Variants in KCNN2 observed in about 807,000 individuals in gnomAD.
The protein encoded by KCNN2 is small conductance calcium-activated potassium channel protein 2.
Under a neutral mutation model 55.5 loss-of-function variants are expected in KCNN2, and 24 were observed. That is an observed-to-expected ratio of 0.43 (90% CI 0.31 to 0.61). The LOEUF (loss-of-function observed/expected upper bound fraction) is 0.61. KCNN2 is among the 20% of genes least tolerant of loss of function. The pLI is 0.08. For synonymous variants in KCNN2, 431 were observed against 336.1 expected (o/e 1.28, Z -3.09); for missense variants, 754 against 853.6 (o/e 0.88, Z 1.45).
At chr5:114,198,055 C>G (rs1168754479) in intron 1 of KCNN2, among the ~76,000 whole-genome samples, 1 of 151,998 alleles carries the variant, frequency 6.6e-6, no homozygotes, top group Non-Finnish European at 1.5e-5. Context: ...TTCTCAAAGT[C>G]CTGCTCCTCC....
At chr5:114,334,930 C>A (rs1455210969) in intron 2 of KCNN2, among the ~76,000 whole-genome samples, 3 of 152,066 alleles carry the variant, frequency 2.0e-5, no homozygotes, top group Non-Finnish European at 4.4e-5. Context: ...GGGCACATTG[C>A]AGTTTTTTTT....
chr5:114,125,839 G>A (rs766803351), intron 1 of KCNN2, among the ~76,000 whole-genome samples: 8 of 152,120 alleles, frequency 5.3e-5, no homozygotes, highest in Non-Finnish European at 4.4e-5. Flanking sequence ...TATAAGTACA[G>A]CAATCATAGT....
chr5:114,279,300 A>C (rs1283536132), intron 2 of KCNN2, among the ~76,000 whole-genome samples: 2 of 151,564 alleles, frequency 1.3e-5, no homozygotes, highest in Non-Finnish European at 1.5e-5. Context: ...AGTCACTGTA[A>C]TTTCTTTTTT....
At chr5:114,090,828 C>T (rs898634679) in intron 1 of KCNN2, among the ~76,000 whole-genome samples, 8 of 151,940 alleles carry the variant, frequency 5.3e-5, no homozygotes, top group East Asian at 1.9e-4. Flanking sequence ...TACAGTTTTC[C>T]GTTGGAGAAT....
In KCNN2 at chr5:114,122,245, A is replaced by G. The variant is rs549070349; in HGVS notation, c.-271+65745A>G. Among the ~76,000 whole-genome samples, 5 of 152,316 alleles carry G rather than the reference A, an allele frequency of 3.3e-5. No homozygotes were observed. The South Asian group carries it at 8.3e-4, about 25-fold the overall frequency. On this transcript the variant is annotated intron_variant, in intron 1 of 10. Coordinates refer to the KCNN2 transcript ENST00000512097. Reference sequence around the variant, plus strand: ...AGAATCTGAATAGGTTTGAAGAGCCATGGCATTGTGAGTAATAACAGCATT... The same window carrying G: ...AGAATCTGAATAGGTTTGAAGAGCCGTGGCATTGTGAGTAATAACAGCATT...
chr5:114,448,061 G>T (rs556512286), intron 3 of KCNN2, among the ~76,000 whole-genome samples: 3 of 152,236 alleles, frequency 2.0e-5, no homozygotes, highest in African/African-American at 7.2e-5. Context: ...GGCTGGCATT[G>T]AAAGTTTTGG....
intron 6 of KCNN2, among the ~76,000 whole-genome samples, chr5:114,490,267 C>CCTAATT (rs1294537500): frequency 9.9e-5 from 15 of 152,162 alleles, no homozygotes; most frequent in Admixed American, 9.8e-4. Flanking sequence ...CCCCAGGCTT[C>CCTAATT]TGAGTTGTCC....
chr5:114,446,544 G>A (rs1208059232), intron 3 of KCNN2, among the ~76,000 whole-genome samples: 3 of 148,378 alleles, frequency 2.0e-5, no homozygotes, highest in African/African-American at 4.9e-5. Flanking sequence ...TGCCACCTCC[G>A]TCTCCCAGGT....
At chr5:114,483,937 C>T (rs977483664) in intron 5 of KCNN2, among the ~76,000 whole-genome samples, 5 of 152,158 alleles carry the variant, frequency 3.3e-5, no homozygotes, top group African/African-American at 1.2e-4. Context: ...AGTAGAGATT[C>T]AGTACGTAGG....
At chr5:114,084,825 T>C (rs899897519) in intron 1 of KCNN2, among the ~76,000 whole-genome samples, 1 of 151,970 alleles carries the variant, frequency 6.6e-6, no homozygotes, top group African/African-American at 2.4e-5. Flanking sequence ...TGATTCAATT[T>C]TGAGTTAATT....
intron 2 of KCNN2, among the ~76,000 whole-genome samples, chr5:114,234,835 G>A (rs772874338): frequency 8.5e-5 from 13 of 152,062 alleles, no homozygotes; most frequent in Non-Finnish European, 2.9e-5. Flanking sequence ...CTGATCAAAG[G>A]GAATGGCCTC....
intron 1 of KCNN2, among the ~76,000 whole-genome samples, chr5:114,087,947 G>A (rs907400973): frequency 6.6e-6 from 1 of 151,734 alleles, no homozygotes; most frequent in East Asian, 1.9e-4. Flanking sequence ...TTCTATGTGG[G>A]TTATAAATCT....
intron 2 of KCNN2, among the ~76,000 whole-genome samples, chr5:114,312,673 G>A (rs1438641677): frequency 6.6e-6 from 1 of 151,456 alleles, no homozygotes; most frequent in Non-Finnish European, 1.5e-5. Context: ...ATTCCTCTAG[G>A]GGTTAAGCCC....
At chr5:114,288,137 A>G (rs1561556281) in intron 2 of KCNN2, among the ~76,000 whole-genome samples, 1 of 152,200 alleles carries the variant, frequency 6.6e-6, no homozygotes, top group Non-Finnish European at 1.5e-5. Flanking sequence ...ACTTAGCATA[A>G]GGTTTTCAAG....
At chr5:114,092,838 G>A (rs545241662) in intron 1 of KCNN2, among the ~76,000 whole-genome samples, 1 of 152,238 alleles carries the variant, frequency 6.6e-6, no homozygotes, top group African/African-American at 2.4e-5. Context: ...TCTCGAGACC[G>A]CACAAAGCAG....
intron 1 of KCNN2, among the ~76,000 whole-genome samples, chr5:114,106,979 C>G (rs1169599847): frequency 6.6e-6 from 1 of 151,984 alleles, no homozygotes; most frequent in Non-Finnish European, 1.5e-5. Context: ...TTCTCCTATT[C>G]AATCTTTTAC....
intron 2 of KCNN2, among the ~76,000 whole-genome samples, chr5:114,233,944 A>G (rs946817809): frequency 1.0e-4 from 15 of 150,540 alleles, no homozygotes; most frequent in African/African-American, 2.9e-4. Context: ...CTTTTCTTTT[A>G]TATATACTTC....
At chr5:114,458,465 A>G (rs1403823734) in intron 3 of KCNN2, among the ~76,000 whole-genome samples, 2 of 152,234 alleles carry the variant, frequency 1.3e-5, no homozygotes, top group Non-Finnish European at 2.9e-5. Context: ...GTCTATGTGT[A>G]TAATCCTAAA....
intron 6 of KCNN2, chr5:114,490,722 T>G: frequency 2.5e-6 from 1 of 398,180 alleles, no homozygotes; most frequent in Non-Finnish European, 4.4e-6. Flanking sequence ...AGCCGCTCCT[T>G]TCAACATTTG....
Sources: allele counts gnomAD v4.1 joint callset (sites outside exome capture counted in the v4.1 genomes callset), GRCh38; gene constraint gnomAD v4.1.1; transcripts MANE v1.5; gene names NCBI Gene and HGNC (gene_info 2026-07-23, HGNC 2026-07-21).